Variants in DHX8 observed in about 807,000 individuals in gnomAD.
DHX8 encodes ATP-dependent RNA helicase DHX8.
In DHX8, 67 loss-of-function variants were observed where a neutral mutation model predicts 140.7. The observed-to-expected ratio is 0.48, with a 90% CI of 0.39 to 0.58. The LOEUF (loss-of-function observed/expected upper bound fraction) is 0.58, where lower values mean the gene tolerates loss of function less well. Ranked by LOEUF, DHX8 falls within the 20% of genes least tolerant of loss-of-function variation. DHX8 has a pLI of 0.00. For synonymous variants in DHX8, 533 were observed against 553.2 expected (o/e 0.96, Z 0.51); for missense variants, 887 against 1,550.7 (o/e 0.57, Z 7.19).
chr17:43,505,897 C>T (rs1488891072), intron 12 of DHX8, among the ~76,000 whole-genome samples: 3 of 151,948 alleles, frequency 2.0e-5, no homozygotes, highest in East Asian at 1.9e-4. Context: ...TGCACACACA[C>T]GCACACACAT....
At position 43,525,590 on chromosome 17, in the gene DHX8, A is replaced by T. The variant is rs1301036643; in HGVS notation, c.*1743A>T. ...GAGACAGTACAGGGACCTCAAATGA[A>T]ACCAAAGGGGAAACGGGGACTGGGC... is the stretch of plus-strand genomic sequence containing the variant. On this transcript the variant is annotated 3_prime_UTR_variant, in exon 23 of 23. Coordinates refer to ENST00000262415, the MANE Select transcript of DHX8 (RefSeq NM_004941.3). 1.0e-6 allele frequency: 1 copy of T among 985,374 alleles called. No homozygotes were observed. The highest frequency in any genetic ancestry group is 1.7e-5 in the African/African-American group (1 of 57,212). The allele number at this position is 985,374 out of a possible 1,614,324, so 61.0% of individuals were successfully genotyped here. A position where few individuals can be genotyped will look rare whatever the true frequency, so the allele number is the denominator to read the frequency against.
At chr17:43,485,821 T>C (rs138370123) in intron 1 of DHX8, among the ~76,000 whole-genome samples, 1 of 152,354 alleles carries the variant, frequency 6.6e-6, no homozygotes, top group East Asian at 1.9e-4. Flanking sequence ...TATTTATAGC[T>C]AAAGATCTCA....
chr17:43,502,159 A>C (rs1323897003), intron 11 of DHX8, among the ~76,000 whole-genome samples: 1 of 152,180 alleles, frequency 6.6e-6, no homozygotes, highest in Non-Finnish European at 1.5e-5. Context: ...CCAGTGTAGA[A>C]TTGAGTATAA....
At chr17:43,512,718 A>C (rs2154586753) in intron 16 of DHX8, among the ~76,000 whole-genome samples, 1 of 152,248 alleles carries the variant, frequency 6.6e-6, no homozygotes. Flanking sequence ...GCCCCCAGTG[A>C]TGATTTTTCC....
intron 12 of DHX8, among the ~76,000 whole-genome samples, chr17:43,506,569 A>G (rs1969506104): frequency 6.6e-6 from 1 of 151,282 alleles, no homozygotes; most frequent in African/African-American, 2.4e-5. Flanking sequence ...CAATGAGCTG[A>G]GATCATGCCA....
intron 16 of DHX8, among the ~76,000 whole-genome samples, chr17:43,509,424 AAC>A (rs1969682819): frequency 6.6e-6 from 1 of 152,056 alleles, no homozygotes; most frequent in Non-Finnish European, 1.5e-5. Context: ...TTTTTTTAGT[AAC>A]AGTTTTATTG....
In DHX8 at chr17:43,523,931, C is replaced by T. The variant is rs1970509931; in HGVS notation, c.*84C>T. On this transcript the variant is annotated 3_prime_UTR_variant, in exon 23 of 23. Coordinates refer to ENST00000262415, the MANE Select transcript of DHX8 (RefSeq NM_004941.3). ...TGACAGGCTGGTCCTGAGGATACAG[C>T]TGTCCCGTGACTGACTGTCTTAACT... 2 of 1,566,958 alleles carry T rather than the reference C, an allele frequency of 1.3e-6. No individual in the cohort carries two copies. Among genetic ancestry groups the T allele is most frequent in the Admixed American group, 1.8e-5 (1 of 54,266 alleles).
Position 43,507,994 on chromosome 17 carries a change from G to A in DHX8, c.2295G>A (p.Met765Ile), listed in dbSNP as rs1969587941. ...DYLDASLITV[M>I]QIHLTEPPGD... ...TGGATGCCAGCCTGATTACTGTTAT[G>A]CAGATTCATTTAACAGAACCACCAG... Residue 765 changes from methionine (M) to isoleucine (I), a missense_variant, in exon 15 of 23, where the codon ATG becomes ATA. This residue lies in a region of DHX8 where 151 missense variants were observed against 388.3 expected (regional missense o/e 0.39). Transcript: ENST00000262415. 3.7e-6 allele frequency: 6 copies of A among 1,614,028 alleles called. No homozygotes were observed. The highest frequency in any genetic ancestry group is 5.1e-6 in the Non-Finnish European group (6 of 1,180,032).
chr17:43,510,775 C>G (rs1460213159), intron 16 of DHX8, among the ~76,000 whole-genome samples: 1 of 152,180 alleles, frequency 6.6e-6, no homozygotes, highest in African/African-American at 2.4e-5. Context: ...TAGCAGTCAT[C>G]TACCCCCATT....
intron 2 of DHX8, among the ~76,000 whole-genome samples, chr17:43,532,462 G>C (rs1382406349): frequency 1.3e-5 from 2 of 151,662 alleles, no homozygotes; most frequent in Non-Finnish European, 2.9e-5. Context: ...TCGTGCCACT[G>C]CACTCTAGCC....
chr17:43,520,725 G>A (rs1218794940), intron 19 of DHX8, 26 bp from the exon 20 acceptor site: 1 of 1,613,836 alleles, frequency 6.2e-7, no homozygotes, highest in South Asian at 1.1e-5. Context: ...CAGGGAAGCA[G>A]TTGTAGTCTT....
intron 3 of DHX8, chr17:43,536,641 A>T: frequency 1.6e-6 from 1 of 609,942 alleles, no homozygotes; most frequent in Non-Finnish European, 2.9e-6. Flanking sequence ...CACACATAAA[A>T]TACACAAATA....
At chr17:43,536,237 C>T (rs930283571) in intron 2 of DHX8, 15 of 649,062 alleles carry the variant, frequency 2.3e-5, no homozygotes, top group Non-Finnish European at 3.6e-5. Flanking sequence ...TCTAAGGTCA[C>T]ACAGCAAGAA....
At chr17:43,503,362 T>C (rs1969308085) in intron 11 of DHX8, among the ~76,000 whole-genome samples, 1 of 152,062 alleles carries the variant, frequency 6.6e-6, no homozygotes, top group Admixed American at 6.6e-5. Context: ...ACAGATGTGG[T>C]GGCACGCACC....
chr17:43,531,900 A>G (rs2154587081), intron 2 of DHX8, among the ~76,000 whole-genome samples: 1 of 152,320 alleles, frequency 6.6e-6, no homozygotes, highest in Non-Finnish European at 1.5e-5. Flanking sequence ...TGTTCCTGTC[A>G]CAGTAGTTTG....
At chr17:43,529,628 T>C (rs1567706269), downstream of DHX8, 3 of 1,614,076 alleles carry the variant, frequency 1.9e-6, no homozygotes, top group Middle Eastern at 1.7e-4. Context: ...CCGGCGCTGG[T>C]AGGGCGGCCC....
rs780037875 is a variant in DHX8, at chr17:43,493,790, C to T, written c.1116C>T (p.His372=). 4 of 1,614,230 alleles carry T rather than the reference C, an allele frequency of 2.5e-6. No individual in the cohort carries two copies. Among genetic ancestry groups the T allele is most frequent in the South Asian group, 1.1e-5 (1 of 91,086 alleles). ...TGCGGAATCCTGATAGACCCACTCA[C>T]TTGTCCCTTGTCAGTGCTCCTGAAG... is the stretch of plus-strand genomic sequence containing the variant. ...TSMRNPDRPT[H]LSLVSAPEVE... is the part of the protein sequence containing the mutation. The change falls in exon 8 of 23, where the codon CAC becomes CAT. Residue 372 remains histidine (H), a synonymous_variant. Coordinates refer to ENST00000262415, the MANE Select transcript of DHX8 (RefSeq NM_004941.3).
In DHX8 at chr17:43,486,018, G is replaced by A. The variant is rs180983650; in HGVS notation, c.148+1833G>A. ...TTGAGACCAGCCTGGCCAACATGGC[G>A]AAACGCCATTTCTACTAAAAAAAAA... On this transcript the variant is annotated intron_variant, in intron 1 of 22. Coordinates refer to ENST00000262415, the MANE Select transcript of DHX8 (RefSeq NM_004941.3). Among the ~76,000 whole-genome samples, 1,073 of 151,988 alleles carry A rather than the reference G, an allele frequency of 7.1e-3. 9 individuals carry two copies. The highest frequency in any genetic ancestry group is 8.0e-3 in the Non-Finnish European group (544 of 67,984).
At chr17:43,534,798 G>A (rs958027705) in intron 2 of DHX8, among the ~76,000 whole-genome samples, 40 of 152,194 alleles carry the variant, frequency 2.6e-4, no homozygotes, top group East Asian at 7.8e-4. Flanking sequence ...AAAATTAGCC[G>A]GGCGTGGTGG....
Sources: allele counts gnomAD v4.1 joint callset (sites outside exome capture counted in the v4.1 genomes callset), GRCh38; gene constraint gnomAD v4.1.1; regional missense constraint gnomAD v4.1.1; transcripts MANE v1.5; gene names NCBI Gene and HGNC (gene_info 2026-07-23, HGNC 2026-07-21).